Variants in BBIP1 observed in about 807,000 individuals in gnomAD.
BBIP1 encodes BBSome interacting protein 1, also known as BBSome-interacting protein 1.
BBIP1 carries 6 observed loss-of-function variants against 8.9 expected under a neutral mutation model. The observed-to-expected ratio is 0.67, with a 90% CI of 0.37 to 1.33. The LOEUF (loss-of-function observed/expected upper bound fraction) is 1.33. Among genes scored for constraint, BBIP1 ranks in the 40% most tolerant of loss-of-function variants. The probability of loss-of-function intolerance (pLI) is 0.02; values close to 1 mark genes in which losing one functional copy is unlikely to be tolerated. For synonymous variants in BBIP1, 32 were observed against 33.4 expected, an observed-to-expected ratio of 0.96 and a Z score of 0.14; for missense variants, 111 against 109.2, an observed-to-expected ratio of 1.02 and a Z score of -0.07.
At position 110,899,407 on chromosome 10, in the gene BBIP1, A is replaced by G. The variant is rs1390666987; in HGVS notation, c.*953T>C. The stretch of plus-strand genomic sequence containing the variant: ...ATTTTTAGGTTTTTAATTGTTTGAC[A>G]CTTGGATGATAAATGCAGTCATTTT... On this transcript the variant is annotated 3_prime_UTR_variant, in exon 4 of 4. Coordinates refer to ENST00000448814, the MANE Select transcript of BBIP1 (RefSeq NM_001195305.3). The G allele has an allele frequency of 6.6e-6, 1 of 152,230 alleles. No individual in the cohort carries two copies. Among genetic ancestry groups the G allele is most frequent in the Non-Finnish European group, 1.5e-5 (1 of 68,034 alleles). The allele number at this position is 152,230 out of a possible 1,614,324, so 9.4% of individuals were successfully genotyped here.
intron 2 of BBIP1, among the ~76,000 whole-genome samples, chr10:110,905,406 C>T (rs899409872): frequency 4.6e-5 from 7 of 152,026 alleles, no homozygotes; most frequent in Non-Finnish European, 8.8e-5. Context: ...ATTAAAAATA[C>T]AAAAAATTAG....
rs1408349704 is a variant in BBIP1 at position 110,918,178 on chromosome 10, T to C, written c.-21A>G. ...AGCATCCAACCCGGTATTACCAAGA[T>C]GACTTAGAGTTCTTGACTCAAGCAT... On this transcript the variant is annotated 5_prime_UTR_variant, in exon 2 of 4. Transcript: ENST00000448814. 1.3e-6 allele frequency: 2 copies of C among 1,533,648 alleles called. No individual in the cohort carries two copies. Among genetic ancestry groups the C allele is most frequent in the Admixed American group, 2.0e-5 (1 of 50,978 alleles).
At chr10:110,907,130 G>C (rs1245199982) in intron 2 of BBIP1, 2 of 152,228 alleles carry the variant, frequency 1.3e-5, no homozygotes, top group Non-Finnish European at 2.9e-5. Flanking sequence ...TCTGTGTGTA[G>C]CTCCTAAGAG....
intron 2 of BBIP1, among the ~76,000 whole-genome samples, chr10:110,905,804 C>A (rs1846118493): frequency 6.6e-6 from 1 of 152,044 alleles, no homozygotes. Context: ...GATATAATTT[C>A]CAGCATATTT....
intron 2 of BBIP1, chr10:110,908,173 TGAA>T (rs1388496990): frequency 6.4e-6 from 1 of 156,494 alleles, no homozygotes; most frequent in African/African-American, 2.4e-5. Flanking sequence ...TAAAATTAAG[TGAA>T]GAATGACTTT....
At chr10:110,919,283 T>C, upstream of BBIP1, 1 of 303,466 alleles carries the variant, frequency 3.3e-6, no homozygotes, top group Non-Finnish European at 6.0e-6. Context: ...GATCGGGGAG[T>C]TGTCACTCTA....
At chr10:110,911,630 AAAAT>A (rs2134039863) in intron 2 of BBIP1, 1 of 151,896 alleles carries the variant, frequency 6.6e-6, no homozygotes, top group South Asian at 2.1e-4. Context: ...GCACATGGGT[AAAAT>A]TATATATTGG....
At chr10:110,914,395 C>T (rs556461277) in intron 2 of BBIP1, among the ~76,000 whole-genome samples, 2 of 151,798 alleles carry the variant, frequency 1.3e-5, no homozygotes, top group South Asian at 4.2e-4. Flanking sequence ...TTATCCAAGA[C>T]TTGTGGTTAA....
rs1845891799 is a variant in BBIP1, at chr10:110,898,743, A to C, written c.*1617T>G. On this transcript the variant is annotated 3_prime_UTR_variant, in exon 4 of 4. Transcript: ENST00000448814. ...AAATAAAACATGTGAAGCAGTATTG[A>C]TTCTTTATTGGGAGTACATTTTTTT... 1 of 152,616 alleles carries C rather than the reference A, an allele frequency of 6.6e-6. No individual in the cohort carries two copies. Among genetic ancestry groups the C allele is most frequent in the African/African-American group, 2.4e-5 (1 of 41,452 alleles). 9.5% of individuals were successfully genotyped at this position (152,616 alleles called of 1,614,324 possible).
intron 2 of BBIP1, chr10:110,907,532 AAAAG>A (rs1846174609): frequency 2.1e-6 from 1 of 484,478 alleles, no homozygotes; most frequent in Non-Finnish European, 3.6e-6. Flanking sequence ...AAAAAAAAAG[AAAAG>A]AAAAGAAAGA....
chr10:110,918,343 G>A (rs1358976300), intron 1 of BBIP1, 130 bp from the exon 2 acceptor site: 14 of 575,372 alleles, frequency 2.4e-5, no homozygotes, highest in Middle Eastern at 4.5e-4. Flanking sequence ...CGCAGTCAAA[G>A]CTTACAAAGA....
In BBIP1 at chr10:110,900,332, G is replaced by T. The variant is rs1180501637; in HGVS notation, c.*28C>A. 4 of 1,513,104 alleles carry T rather than the reference G, an allele frequency of 2.6e-6. No individual in the cohort carries two copies. In the African/African-American group the frequency reaches 5.6e-5, roughly 21 times the overall value. The allele number at this position is 1,513,104 out of a possible 1,614,324, so 93.7% of individuals were successfully genotyped here. On this transcript the variant is annotated 3_prime_UTR_variant, in exon 4 of 4. Transcript: ENST00000448814. Reference sequence around the variant, plus strand: ...TATTGTTAAATAGTAGATAAGGCAGGTTGTTCCCTAAAGTGCTCAGTTATC... The same window carrying T: ...TATTGTTAAATAGTAGATAAGGCAGTTTGTTCCCTAAAGTGCTCAGTTATC...
rs56741771 is a variant in BBIP1 at position 110,918,699 on chromosome 10, C to T, written c.-57+422G>A. 801 of 152,488 alleles carry T rather than the reference C, an allele frequency of 5.3e-3. 6 individuals carry two copies. Among genetic ancestry groups the T allele is most frequent in the African/African-American group, 0.017 (714 of 41,484 alleles). 9.4% of individuals were successfully genotyped at this position (152,488 alleles called of 1,614,324 possible). ...CGGCCTCACCCCACAGGGAGCCTCA[C>T]GGGGGCGGGCCGCCGCCAGGCCAGC... On this transcript the variant is annotated intron_variant, in intron 1 of 3. Transcript: ENST00000448814.
At chr10:110,916,033 G>C (rs909059614) in intron 2 of BBIP1, among the ~76,000 whole-genome samples, 5 of 152,210 alleles carry the variant, frequency 3.3e-5, no homozygotes, top group African/African-American at 1.2e-4. Context: ...AATAGAGTGA[G>C]TAGGCTGTCC....
chr10:110,918,230 G>T lies in BBIP1; in HGVS notation c.-56-17C>A. The T allele has an allele frequency of 1.5e-6, 2 of 1,314,842 alleles. No individual in the cohort carries two copies. Among genetic ancestry groups the T allele is most frequent in the Non-Finnish European group, 1.1e-6 (1 of 948,744 alleles). The allele number at this position is 1,314,842 out of a possible 1,614,324, so 81.4% of individuals were successfully genotyped here. A position where few individuals can be genotyped will look rare whatever the true frequency, so the allele number is the denominator to read the frequency against. On this transcript the variant is annotated splice_polypyrimidine_tract_variant and intron_variant, in intron 1 of 3. Coordinates refer to ENST00000448814, the MANE Select transcript of BBIP1 (RefSeq NM_001195305.3). ...CAGAAGAAACTACAAGATAATGTAT[G>T]ATAACTTTGTAAAGGGCCATATAAA...
chr10:110,909,682 C>T (rs528136024), intron 2 of BBIP1, among the ~76,000 whole-genome samples: 6 of 152,124 alleles, frequency 3.9e-5, no homozygotes, highest in African/African-American at 9.7e-5. Context: ...TTACAGTGGA[C>T]AGAAATTGTG....
chr10:110,918,635 GC>G (rs1002964925), intron 1 of BBIP1, among the ~76,000 whole-genome samples: 1 of 152,368 alleles, frequency 6.6e-6, no homozygotes, highest in Non-Finnish European at 1.5e-5. Context: ...GGTCCTCCCG[GC>G]CGGGCTGCCT....
At position 110,913,376 on chromosome 10, in the gene BBIP1, C is replaced by T. The variant is rs3763693; in HGVS notation, c.37+4745G>A. On this transcript the variant is annotated intron_variant, in intron 2 of 3. Transcript: ENST00000448814. ...CTTGTTCTAGATTACCATAAGGTAT[C>T]TTCTGTCTCTAAAAATCTTTGAATC... Among the ~76,000 whole-genome samples the T allele has an allele frequency of 3.3e-5, 5 of 152,162 alleles. No individual in the cohort carries two copies. In the East Asian group the frequency reaches 9.6e-4, roughly 29 times the overall value.
At chr10:110,918,309 C>T in intron 1 of BBIP1, 96 bp from the exon 2 acceptor site, 1 of 640,510 alleles carries the variant, frequency 1.6e-6, no homozygotes, top group South Asian at 1.9e-5. Context: ...AACTGTAGAC[C>T]TGCAGGAATC....
Sources: gnomAD v4.1 joint callset for allele counts (sites outside exome capture counted in the v4.1 genomes callset) on GRCh38, gnomAD v4.1.1 for gene constraint, MANE v1.5 for transcripts, NCBI Gene and HGNC (gene_info 2026-07-23, HGNC 2026-07-21) for gene names.